The following CXADR variants were observed in gnomAD, a reference collection of about 807,000 sequenced individuals.
CXADR encodes CXADR cell adhesion molecule.
Under a neutral mutation model 40.3 loss-of-function variants are expected in CXADR, and 20 were observed. That is an observed-to-expected ratio of 0.50 (90% CI 0.35 to 0.72). The LOEUF is 0.72. Among genes scored for constraint, CXADR ranks in the 30% least tolerant of loss-of-function variants. CXADR has a pLI of 0.01. For synonymous variants in CXADR, 150 were observed against 161.3 expected, an observed-to-expected ratio of 0.93 and a Z score of 0.53; for missense variants, 332 against 449.1, an observed-to-expected ratio of 0.74 and a Z score of 2.36.
the CXADR span, among the ~76,000 whole-genome samples, chr21:17,630,035 G>A: frequency 1.3e-5 from 2 of 152,100 alleles, no homozygotes; most frequent in Non-Finnish European, 2.9e-5. Flanking sequence ...AGGTAAATGG[G>A]CTTCCGGGTG....
At chr21:17,606,924 T>G in the CXADR span, among the ~76,000 whole-genome samples, 1 of 152,164 alleles carries the variant, frequency 6.6e-6, no homozygotes, top group Non-Finnish European at 1.5e-5. Flanking sequence ...TTTATAGATC[T>G]TGATAATATT....
chr21:17,568,849 CT>C lies in CXADR; in HGVS notation c.*3162del, dbSNP rs2061249532. On this transcript the variant is annotated 3_prime_UTR_variant, in exon 7 of 7. Transcript: ENST00000284878. ...ACCAATTATTCTGGACAAATTGCTT[CT>C]TTTTAATTTGAGCTATCTGCCATGG... 1.0e-6 allele frequency: 1 copy of C among 985,086 alleles called. No individual in the cohort carries two copies. The highest frequency in any genetic ancestry group is 1.7e-5 in the African/African-American group (1 of 57,160). The allele number at this position is 985,086 out of a possible 1,614,324, so 61.0% of individuals were successfully genotyped here.
chr21:17,593,371 G>C, exon 8 of CXADR: 1 of 481,234 alleles, frequency 2.1e-6, no homozygotes, highest in Non-Finnish European at 3.3e-6. Context: ...GTCAAAATTA[G>C]TACGAGCCAA....
chr21:17,615,670 T>G, the CXADR span, among the ~76,000 whole-genome samples: 2,660 of 152,316 alleles, frequency 0.017, 35 homozygotes, highest in Non-Finnish European at 0.03. Context: ...CTCATTAATA[T>G]GTATTTCCAT....
chr21:17,518,335 C>CA (rs1326740113), intron 1 of CXADR, among the ~76,000 whole-genome samples: 2 of 151,752 alleles, frequency 1.3e-5, no homozygotes, highest in East Asian at 3.9e-4. Context: ...ATATTTTGAC[C>CA]AAAAAAATAT....
At chr21:17,538,421 T>TGCC (rs1320692673) in intron 1 of CXADR, among the ~76,000 whole-genome samples, 2 of 152,198 alleles carry the variant, frequency 1.3e-5, no homozygotes, top group Non-Finnish European at 2.9e-5. Context: ...AGAGGGTGGC[T>TGCC]AGTCAAAGGA....
At chr21:17,564,143 G>A (rs1029906600) in intron 6 of CXADR, among the ~76,000 whole-genome samples, 1 of 150,658 alleles carries the variant, frequency 6.6e-6, no homozygotes, top group Non-Finnish European at 1.5e-5. Flanking sequence ...GTTATTCTTC[G>A]GTATCCATGG....
intron 1 of CXADR, among the ~76,000 whole-genome samples, 163 bp downstream of exon 1, chr21:17,513,335 TG>T (rs1049499873): frequency 2.6e-5 from 4 of 151,842 alleles, no homozygotes; most frequent in African/African-American, 9.7e-5. Flanking sequence ...GCGCTTTTGC[TG>T]GGCCGGGCGC....
chr21:17,632,226 G>C, the CXADR span, among the ~76,000 whole-genome samples: 1 of 152,116 alleles, frequency 6.6e-6, no homozygotes, highest in Non-Finnish European at 1.5e-5. Context: ...ATTCAGAGTG[G>C]ACCATTCGCA....
intron 1 of CXADR, among the ~76,000 whole-genome samples, chr21:17,529,034 C>CTT (rs10530177): frequency 0.011 from 1,306 of 121,236 alleles, 17 homozygotes; most frequent in African/African-American, 0.017. Context: ...GACTTTTTGT[C>CTT]TTTTTTTTTT....
At chr21:17,574,815 A>C (rs1482983098), downstream of CXADR, among the ~76,000 whole-genome samples, 1 of 152,102 alleles carries the variant, frequency 6.6e-6, no homozygotes, top group South Asian at 2.1e-4. Context: ...TAGATATGCA[A>C]ATGGAGATGT....
intron 1 of CXADR, among the ~76,000 whole-genome samples, chr21:17,518,141 GA>G (rs148792365): frequency 0.03 from 4,529 of 152,148 alleles, 233 homozygotes; most frequent in African/African-American, 0.1. Flanking sequence ...CAAATGTAAA[GA>G]TTTTTTTTAT....
intron 3 of CXADR, among the ~76,000 whole-genome samples, chr21:17,555,016 C>G (rs1215829272): frequency 6.6e-6 from 1 of 152,158 alleles, no homozygotes; most frequent in Non-Finnish European, 1.5e-5. Flanking sequence ...ATTGCCGTGC[C>G]TGCCTTGCTC....
At chr21:17,631,172 A>G in the CXADR span, among the ~76,000 whole-genome samples, 1 of 152,246 alleles carries the variant, frequency 6.6e-6, no homozygotes, top group African/African-American at 2.4e-5. Context: ...TAGCCTAAAT[A>G]TAGAACTTAC....
chr21:17,545,025 G>A (rs1163883111), intron 1 of CXADR, among the ~76,000 whole-genome samples: 1 of 149,118 alleles, frequency 6.7e-6, no homozygotes, highest in Non-Finnish European at 1.5e-5. Context: ...TAGTCATGTG[G>A]AGAATTAGGA....
At chr21:17,563,644 G>C (rs2061155055) in intron 6 of CXADR, among the ~76,000 whole-genome samples, 1 of 151,946 alleles carries the variant, frequency 6.6e-6, no homozygotes, top group African/African-American at 2.4e-5. Context: ...CATGCTGTTG[G>C]AAAAATGGTA....
At chr21:17,582,507 C>T (rs2061368667) in intron 7 of CXADR, among the ~76,000 whole-genome samples, 1 of 152,118 alleles carries the variant, frequency 6.6e-6, no homozygotes, top group African/African-American at 2.4e-5. Context: ...AAATTGTACC[C>T]TCACTGGGAG....
chr21:17,534,279 T>A (rs1409724151), intron 1 of CXADR, among the ~76,000 whole-genome samples: 2 of 151,516 alleles, frequency 1.3e-5, no homozygotes, highest in Non-Finnish European at 2.9e-5. Context: ...GTATTTTTAG[T>A]AGAGACGGGG....
intron 7 of CXADR, among the ~76,000 whole-genome samples, chr21:17,575,697 G>GT (rs1467343383): frequency 6.6e-6 from 1 of 150,966 alleles, no homozygotes; most frequent in African/African-American, 2.4e-5. Flanking sequence ...GTTTCACCGT[G>GT]TTAGTCAGGA....
Sources: gnomAD v4.1 joint callset for allele counts (sites outside exome capture counted in the v4.1 genomes callset) on GRCh38, gnomAD v4.1.1 for gene constraint, MANE v1.5 for transcripts, NCBI Gene and HGNC (gene_info 2026-07-23, HGNC 2026-07-21) for gene names.